PCLO: variants seen among roughly 807,000 people sequenced by gnomAD.
PCLO encodes the protein protein piccolo.
In PCLO, 82 loss-of-function variants were observed where a neutral mutation model predicts 427.5. The observed-to-expected ratio is 0.19, with a 90% CI of 0.16 to 0.23. PCLO has a LOEUF of 0.23. PCLO is among the 10% of genes least tolerant of loss of function. The pLI, the probability that PCLO is intolerant of heterozygous loss-of-function variation, is 1.00. For synonymous variants in PCLO, 2,357 were observed against 2,155.4 expected (o/e 1.09, Z -2.59); for missense variants, 6,239 against 6,115.9 (o/e 1.02, Z -0.67).
At chr7:82,892,384 C>A (rs1446915077) in intron 9 of PCLO, among the ~76,000 whole-genome samples, 1 of 152,110 alleles carries the variant, frequency 6.6e-6, no homozygotes, top group Non-Finnish European at 1.5e-5. Flanking sequence ...ATGTAGAAAG[C>A]TGAAACTGGA....
At chr7:82,995,607 G>A (rs1399935026) in intron 3 of PCLO, among the ~76,000 whole-genome samples, 1 of 151,924 alleles carries the variant, frequency 6.6e-6, no homozygotes, top group Non-Finnish European at 1.5e-5. Context: ...CAAAGGAAAA[G>A]CAATATATTT....
chr7:82,788,121 T>C (rs1791020513), intron 22 of PCLO, among the ~76,000 whole-genome samples: 1 of 150,822 alleles, frequency 6.6e-6, no homozygotes, highest in African/African-American at 2.4e-5. Flanking sequence ...CTTCAACCAA[T>C]AAGTGTATTT....
chr7:83,074,382 T>A (rs1789898329), intron 3 of PCLO, among the ~76,000 whole-genome samples: 1 of 152,074 alleles, frequency 6.6e-6, no homozygotes, highest in African/African-American at 2.4e-5. Flanking sequence ...AGGAATTTCG[T>A]TGACCTGTCT....
chr7:82,845,896 T>C (rs1248950030), intron 12 of PCLO, among the ~76,000 whole-genome samples: 1 of 152,128 alleles, frequency 6.6e-6, no homozygotes, highest in African/African-American at 2.4e-5. Flanking sequence ...TGGGTTTATT[T>C]ATATTTACAA....
In PCLO at chr7:82,760,421, A is replaced by G. The variant is rs544852332; in HGVS notation, c.15288+218T>C. ...AAATAAGAAGAATCTATGTAAAATA[A>G]ACTCCACAGACAGGGTAGAGAAGGC... On this transcript the variant is annotated intron_variant, in intron 24 of 24. Transcript: ENST00000333891. Among the ~76,000 whole-genome samples the G allele has an allele frequency of 2.5e-3, 385 of 152,052 alleles. 1 individual carries two copies. Among genetic ancestry groups the G allele is most frequent in the African/African-American group, 8.8e-3 (367 of 41,508 alleles).
Position 82,953,683 on chromosome 7 carries a change from G to C in PCLO, c.7270C>G (p.Pro2424Ala). ...GAAGTTGGTGGAGGAAGTGGTGGGG[G>C]AGGAGGGGGTGGTGGTGGAGGAGGA... is the stretch of plus-strand genomic sequence containing the variant. ...PPPPPPPPPP[P>A]PPLPPPTSPK... The change falls in exon 5 of 25, where the codon CCC becomes GCC. Residue 2424 changes from proline to alanine, a missense_variant. Physicochemically the swap from Pro to Ala is conservative, Grantham distance 27 (BLOSUM62 -1). Transcript: ENST00000333891. The C allele has an allele frequency of 7.9e-7, 1 of 1,265,984 alleles. No homozygotes were observed. Among genetic ancestry groups the C allele is most frequent in the Non-Finnish European group, 1.1e-6 (1 of 916,142 alleles). The allele number at this position is 1,265,984 out of a possible 1,614,324, so 78.4% of individuals were successfully genotyped here. A position where few individuals can be genotyped will look rare whatever the true frequency, so the allele number is the denominator to read the frequency against.
chr7:82,778,272 C>T (rs757148105), intron 22 of PCLO, among the ~76,000 whole-genome samples: 20 of 152,058 alleles, frequency 1.3e-4, no homozygotes, highest in African/African-American at 3.6e-4. Flanking sequence ...ATAACAGATG[C>T]TGGCAAGGTT....
At chr7:83,138,569 G>C (rs993688825) in intron 2 of PCLO, among the ~76,000 whole-genome samples, 6 of 152,060 alleles carry the variant, frequency 3.9e-5, no homozygotes, top group Admixed American at 6.6e-5. Flanking sequence ...GCTGAAGTTG[G>C]AGAATCGCTT....
intron 22 of PCLO, among the ~76,000 whole-genome samples, chr7:82,794,622 G>A (rs527732735): frequency 4.0e-5 from 6 of 151,142 alleles, no homozygotes; most frequent in Non-Finnish European, 5.9e-5. Context: ...ACAGGCATGC[G>A]CTACCATGCC....
rs143277836 is a variant in PCLO at position 82,907,400 on chromosome 7, T to C, written c.13437+1477A>G. ...AACAAGTATTCCATTTTAGAGAGAT[T>C]CATATAATAAACACATTTAAAGAAG... On this transcript the variant is annotated intron_variant, in intron 8 of 24. Coordinates refer to ENST00000333891, the MANE Select transcript of PCLO (RefSeq NM_033026.6). Among the ~76,000 whole-genome samples, 32 of 152,128 alleles carry C rather than the reference T, an allele frequency of 2.1e-4. No homozygotes were observed. In the East Asian group the frequency reaches 5.8e-3, roughly 28 times the overall value.
At chr7:82,883,059 C>A (rs1389057934) in intron 9 of PCLO, among the ~76,000 whole-genome samples, 1 of 151,980 alleles carries the variant, frequency 6.6e-6, no homozygotes, top group Non-Finnish European at 1.5e-5. Flanking sequence ...ATCTAAGCAT[C>A]AACGGAAAGC....
rs1787655415 is a variant in PCLO, at chr7:82,997,489, AACAAGCT to A, written c.3301-31009_3301-31003del. Among the ~76,000 whole-genome samples, 5 of 152,158 alleles carry A rather than the reference AACAAGCT, an allele frequency of 3.3e-5. No homozygotes were observed. In the South Asian group the frequency reaches 1.0e-3, roughly 32 times the overall value. On this transcript the variant is annotated intron_variant, in intron 3 of 24. Transcript: ENST00000333891. ...CTGTCAAATCTTAAATAAGTTTTTC[AACAAGCT>A]ATAGTAACTGATTAGTAACAACAAC...
At chr7:83,108,244 T>C (rs1484447962) in intron 3 of PCLO, among the ~76,000 whole-genome samples, 1 of 152,062 alleles carries the variant, frequency 6.6e-6, no homozygotes, top group Non-Finnish European at 1.5e-5. Flanking sequence ...TGTGTTTTCC[T>C]TTCCTTTGTT....
At position 82,915,996 on chromosome 7, in the gene PCLO, A is replaced by G. The variant is rs754989020; in HGVS notation, c.11990T>C (p.Phe3997Ser). 4 of 1,612,658 alleles carry G rather than the reference A, an allele frequency of 2.5e-6. No individual in the cohort carries two copies. In the African/African-American group the frequency reaches 5.3e-5, roughly 22 times the overall value. ...MIAPVSTDNT[F>S]AVSHLGSKYN... ...CTTACTACCAAGATGGGAAACAGCA[A>G]ATGTGTTATCCGTAGAAACAGGTGC... is the stretch of plus-strand genomic sequence containing the variant. Residue 3997 changes from phenylalanine to serine, a missense_variant, in exon 7 of 25, where the codon TTT (phenylalanine) becomes TCT (serine). Around this residue, in one of 5 missense-constraint regions of PCLO, gnomAD observed 680 missense variants for 677.3 expected, o/e 1.00. Transcript: ENST00000333891.
chr7:83,127,600 A>T (rs1365373939), intron 3 of PCLO, among the ~76,000 whole-genome samples: 1 of 152,146 alleles, frequency 6.6e-6, no homozygotes. Flanking sequence ...CCATCAAAAA[A>T]TGAAAGGAAG....
At chr7:82,975,560 G>A (rs1032206120) in intron 3 of PCLO, among the ~76,000 whole-genome samples, 7 of 152,138 alleles carry the variant, frequency 4.6e-5, no homozygotes, top group Admixed American at 4.6e-4. Flanking sequence ...GTGCAATACT[G>A]TAAGCTCTTC....
chr7:82,757,561 A>G lies in PCLO; in HGVS notation c.*1014T>C, dbSNP rs1287543914. On this transcript the variant is annotated 3_prime_UTR_variant, in exon 25 of 25. Coordinates refer to ENST00000333891, the MANE Select transcript of PCLO (RefSeq NM_033026.6). ...TTTAATTAATCAATGTCACAAGATT[A>G]ATATGGTTTGTTTGCCAGAGAAAGA... The G allele has an allele frequency of 2.6e-5, 4 of 151,948 alleles. No individual in the cohort carries two copies. The highest frequency in any genetic ancestry group is 5.9e-5 in the Non-Finnish European group (4 of 67,928). The allele number at this position is 151,948 out of a possible 1,614,324, so 9.4% of individuals were successfully genotyped here.
At chr7:82,905,123 T>C (rs1794155032) in intron 8 of PCLO, among the ~76,000 whole-genome samples, 1 of 152,038 alleles carries the variant, frequency 6.6e-6, no homozygotes, top group Non-Finnish European at 1.5e-5. Context: ...TGATGTCAAG[T>C]GGTGCTACAT....
intron 3 of PCLO, among the ~76,000 whole-genome samples, chr7:83,082,525 G>A (rs1790127610): frequency 6.6e-6 from 1 of 151,660 alleles, no homozygotes; most frequent in Non-Finnish European, 1.5e-5. Context: ...ATATGAAGAA[G>A]GGATGATTAA....
Sources: allele counts gnomAD v4.1 joint callset (sites outside exome capture counted in the v4.1 genomes callset), GRCh38; gene constraint gnomAD v4.1.1; regional missense constraint gnomAD v4.1.1; transcripts MANE v1.5; gene names NCBI Gene and HGNC (gene_info 2026-07-23, HGNC 2026-07-21).